Variants in DOCK9 observed in about 807,000 individuals in gnomAD.
The protein encoded by DOCK9 is dedicator of cytokinesis protein 9.
In DOCK9, 89 loss-of-function variants were observed where a neutral mutation model predicts 263.3. That is an observed-to-expected ratio of 0.34 (90% CI 0.28 to 0.40). The LOEUF is 0.40. Among genes scored for constraint, DOCK9 ranks in the 10% least tolerant of loss-of-function variants. DOCK9 has a pLI of 1.00. For missense variants in DOCK9, 2,140 were observed against 2,603.4 expected (o/e 0.82, Z 3.87); for synonymous variants, 976 against 973.1 (o/e 1.00, Z -0.06).
At chr13:98,814,731 G>C (rs1036015259) in intron 45 of DOCK9, among the ~76,000 whole-genome samples, 2 of 151,928 alleles carry the variant, frequency 1.3e-5, no homozygotes, top group African/African-American at 4.8e-5. Context: ...TTGAGCTCAG[G>C]GGTTCAAGAC....
intron 2 of DOCK9, among the ~76,000 whole-genome samples, chr13:98,952,952 T>A (rs2057619871): frequency 6.6e-6 from 1 of 152,218 alleles, no homozygotes. Flanking sequence ...TAAAACACTT[T>A]CCCCAATCTA....
chr13:99,000,876 T>C (rs1254049379), intron 1 of DOCK9, among the ~76,000 whole-genome samples: 1 of 152,128 alleles, frequency 6.6e-6, no homozygotes, highest in African/African-American at 2.4e-5. Flanking sequence ...CAGAAACTGT[T>C]AAGTTCTGGC....
chr13:99,056,964 T>A (rs2040954909), intron 1 of DOCK9, among the ~76,000 whole-genome samples: 1 of 152,188 alleles, frequency 6.6e-6, no homozygotes, highest in Admixed American at 6.5e-5. Context: ...CCTGGGGGAT[T>A]AGAGCAGCCT....
intron 1 of DOCK9, among the ~76,000 whole-genome samples, chr13:99,059,097 A>C (rs2041065555): frequency 6.6e-6 from 1 of 152,036 alleles, no homozygotes; most frequent in Middle Eastern, 3.2e-3. Context: ...TCTCCTCTAC[A>C]CACTCACCAC....
Position 98,883,803 on chromosome 13 carries a change from G to A in DOCK9, c.2469+10C>T, listed in dbSNP as rs1474132518. On this transcript the variant is annotated intron_variant, in intron 22 of 52. Transcript: ENST00000682017. ...GCAGCAACTGCTAATTTTGTTGAAG[G>A]AGCACATACCTGAGTATACACTGTA... 4.4e-6 allele frequency: 7 copies of A among 1,575,054 alleles called. No individual in the cohort carries two copies. Among genetic ancestry groups the A allele is most frequent in the South Asian group, 1.2e-5 (1 of 83,268 alleles).
At chr13:98,958,089 C>T (rs1340840414) in intron 1 of DOCK9, among the ~76,000 whole-genome samples, 1 of 152,238 alleles carries the variant, frequency 6.6e-6, no homozygotes, top group Non-Finnish European at 1.5e-5. Flanking sequence ...AGGGACACTG[C>T]TGAGAATGGG....
chr13:98,900,571 C>T (rs1423512251), intron 13 of DOCK9, among the ~76,000 whole-genome samples: 1 of 152,168 alleles, frequency 6.6e-6, no homozygotes, highest in Non-Finnish European at 1.5e-5. Flanking sequence ...TTGACTGGGG[C>T]TGTAATAAAT....
At chr13:98,877,193 A>G (rs2043992987) in intron 27 of DOCK9, among the ~76,000 whole-genome samples, 1 of 152,148 alleles carries the variant, frequency 6.6e-6, no homozygotes, top group African/African-American at 2.4e-5. Context: ...CAGTTGTGTG[A>G]CCCTGGGCAG....
intron 1 of DOCK9, among the ~76,000 whole-genome samples, chr13:99,037,567 T>A (rs2142102175): frequency 6.6e-6 from 1 of 152,320 alleles, no homozygotes; most frequent in South Asian, 2.1e-4. Flanking sequence ...TTGTAAAAAG[T>A]ATACATTTAC....
chr13:98,829,756 C>A lies in DOCK9; in HGVS notation c.4636G>T (p.Val1546Phe). The change falls in exon 42 of 53, where the codon GTC becomes TTC. Residue 1546 changes from valine (V) to phenylalanine (F), a missense_variant and splice_region_variant. This residue lies in a region of DOCK9 where 619 missense variants were observed against 861.8 expected (regional missense o/e 0.72). Transcript: ENST00000682017. The surrounding 1 kb of genome is among the most constrained non-coding windows in gnomAD (Gnocchi z 4.1). ...ATCAGCTGGCTGACAGATATGATGA[C>A]CTTAGGGACACACAAACATGAGCAA... Reference protein sequence around the residue: ...KKSFVRTHLQVIISVSQLIAD... With the variant: ...KKSFVRTHLQFIISVSQLIAD... 1.9e-6 allele frequency: 3 copies of A among 1,601,188 alleles called. No individual in the cohort carries two copies. Among genetic ancestry groups the A allele is most frequent in the Non-Finnish European group, 1.7e-6 (2 of 1,173,302 alleles).
chr13:99,081,388 A>C lies in DOCK9; in HGVS notation c.129+4835T>G, dbSNP rs577318631. On this transcript the variant is annotated intron_variant, in intron 1 of 32. Coordinates refer to the DOCK9 transcript ENST00000427887. ...CCTTCAGTAATACCAAGCGAAATTTAGCAACGACCTGACTTGGTTTCATTT... is the reference window on the plus strand; with the variant it reads ...CCTTCAGTAATACCAAGCGAAATTTCGCAACGACCTGACTTGGTTTCATTT... Among the ~76,000 whole-genome samples, 148 of 152,354 alleles carry C rather than the reference A, an allele frequency of 9.7e-4. 2 individuals carry two copies. Among genetic ancestry groups the C allele is most frequent in the African/African-American group, 3.4e-3 (141 of 41,570 alleles).
chr13:98,934,530 GGTTT>G (rs942354845), intron 2 of DOCK9, among the ~76,000 whole-genome samples: 4 of 152,190 alleles, frequency 2.6e-5, no homozygotes, highest in Non-Finnish European at 5.9e-5. Flanking sequence ...GCTGTGGGAT[GGTTT>G]GTTACTCAAA....
chr13:98,867,421 T>C lies in DOCK9; in HGVS notation c.3286+4A>G, dbSNP rs1409275313. ...AAAGGTTAATAGAAATAAAGATGGATTACCTTGGTATCTTTGAATCCTGCC... is the reference window on the plus strand; with the variant it reads ...AAAGGTTAATAGAAATAAAGATGGACTACCTTGGTATCTTTGAATCCTGCC... On this transcript the variant is annotated splice_donor_region_variant and intron_variant, in intron 30 of 52. Coordinates refer to ENST00000682017, the MANE Select transcript of DOCK9 (RefSeq NM_001366683.2). 28 of 1,501,764 alleles carry C rather than the reference T, an allele frequency of 1.9e-5. No individual in the cohort carries two copies. The highest frequency in any genetic ancestry group is 2.6e-5 in the Non-Finnish European group (28 of 1,086,422). The allele number at this position is 1,501,764 out of a possible 1,614,324, so 93.0% of individuals were successfully genotyped here. A position where few individuals can be genotyped will look rare whatever the true frequency, so the allele number is the denominator to read the frequency against.
chr13:98,914,359 C>T lies in DOCK9; in HGVS notation c.929G>A (p.Gly310Asp), dbSNP rs781311006. The change falls in exon 9 of 53, where the codon GGT becomes GAT. Residue 310 changes from glycine to aspartate, a missense_variant. Physicochemically the swap from Gly to Asp is moderately conservative, Grantham distance 94. This residue lies in a region of DOCK9 where 1,521 missense variants were observed against 1,741.7 expected (regional missense o/e 0.87). Coordinates refer to ENST00000682017, the MANE Select transcript of DOCK9 (RefSeq NM_001366683.2). ...EQSKLEGSGS[G>D]LDSYLPELAK... ...AAGTTCCGGCAGGTAGCTATCTAAA[C>T]CGGAACCAGAACCTTCCAATTTGCT... 3.7e-6 allele frequency: 6 copies of T among 1,609,990 alleles called. No homozygotes were observed. The highest frequency in any genetic ancestry group is 3.3e-5 in the South Asian group (3 of 89,732).
At chr13:98,916,530 A>G (rs1323286037) in intron 7 of DOCK9, among the ~76,000 whole-genome samples, 1 of 152,150 alleles carries the variant, frequency 6.6e-6, no homozygotes, top group Non-Finnish European at 1.5e-5. Flanking sequence ...GGACAGGGCA[A>G]CCCTCCCAAA....
At chr13:99,046,220 G>C (rs1035273450) in intron 1 of DOCK9, among the ~76,000 whole-genome samples, 2 of 152,182 alleles carry the variant, frequency 1.3e-5, no homozygotes, top group South Asian at 2.1e-4. Context: ...GGCTCAGCAC[G>C]GGGCAGAACA....
intron 6 of DOCK9, 40 bp downstream of exon 6, chr13:98,922,011 G>A (rs1167614406): frequency 1.4e-6 from 2 of 1,481,168 alleles, no homozygotes; most frequent in Non-Finnish European, 1.8e-6. Context: ...TGGCAGAAAG[G>A]GCTTGTGAGA....
intron 39 of DOCK9, 200 bp from the exon 40 acceptor site, chr13:98,831,986 T>C: frequency 1.6e-6 from 1 of 615,134 alleles, no homozygotes; most frequent in Non-Finnish European, 2.7e-6. Flanking sequence ...GTTTTGGGGA[T>C]GAACCTCCCA....
chr13:99,074,524 C>T (rs975180105), intron 1 of DOCK9, among the ~76,000 whole-genome samples: 2 of 152,172 alleles, frequency 1.3e-5, no homozygotes, highest in Non-Finnish European at 2.9e-5. Flanking sequence ...TATGAGACTT[C>T]GGGTCGCCCC....
Sources: gnomAD v4.1 joint callset for allele counts (sites outside exome capture counted in the v4.1 genomes callset) on GRCh38, gnomAD v4.1.1 for gene constraint, gnomAD v4.1.1 regional missense constraint, Gnocchi (gnomAD v3.1) non-coding constraint, MANE v1.5 for transcripts, NCBI Gene and HGNC (gene_info 2026-07-23, HGNC 2026-07-21) for gene names.